The following SLC36A2 variants were observed in gnomAD, a reference collection of about 807,000 sequenced individuals.
SLC36A2 encodes proton-coupled amino acid transporter 2.
In SLC36A2, 39 loss-of-function variants were observed where a neutral mutation model predicts 42.7. That is an observed-to-expected ratio of 0.91 (90% CI 0.71 to 1.19). The LOEUF (loss-of-function observed/expected upper bound fraction) is 1.19, where lower values mean the gene tolerates loss of function less well. SLC36A2 is among the 50% of genes most tolerant of loss of function. SLC36A2 has a pLI of 0.00. For missense variants in SLC36A2, 590 were observed against 613.7 expected, an observed-to-expected ratio of 0.96 and a Z score of 0.41; for synonymous variants, 237 against 240.8, an observed-to-expected ratio of 0.98 and a Z score of 0.15.
At chr5:151,330,614 C>T (rs559226851) in intron 7 of SLC36A2, among the ~76,000 whole-genome samples, 3 of 152,198 alleles carry the variant, frequency 2.0e-5, no homozygotes, top group East Asian at 1.9e-4. Flanking sequence ...AAAGAAAGAG[C>T]GACAGAAATG....
chr5:151,336,152 C>CATT (rs976957456), intron 5 of SLC36A2, among the ~76,000 whole-genome samples: 1 of 152,168 alleles, frequency 6.6e-6, no homozygotes, highest in Non-Finnish European at 1.5e-5. Context: ...TCTTTCTTGT[C>CATT]ATTGAATGCA....
At position 151,333,118 on chromosome 5, in the gene SLC36A2, G is replaced by A. The variant is rs1470562549; in HGVS notation, c.843+106C>T. ...TTCTCCCATGGGCATTTTCTAGCAG[G>A]CCCAAAACAATGGCCAGCGGGACAC... On this transcript the variant is annotated intron_variant, in intron 7 of 9. Transcript: ENST00000335244. The A allele has an allele frequency of 1.6e-5, 16 of 1,026,886 alleles. No homozygotes were observed. The Admixed American group carries it at 2.3e-4, about 15-fold the overall frequency. 63.6% of individuals were successfully genotyped at this position (1,026,886 alleles called of 1,614,324 possible).
At chr5:151,317,344 C>T (rs1424672793) in intron 9 of SLC36A2, among the ~76,000 whole-genome samples, 2 of 151,702 alleles carry the variant, frequency 1.3e-5, no homozygotes, top group Non-Finnish European at 2.9e-5. Flanking sequence ...CTCAGCTACT[C>T]AGGAGGCTGA....
At position 151,339,072 on chromosome 5, in the gene SLC36A2, A is replaced by T. The variant is rs1415668768; in HGVS notation, c.513T>A (p.Asp171Glu). ...TAGAAGCCTCTACCTGTTTTAAATT[A>T]TCAGCCAAAAACACAATGTACACAC... is the stretch of plus-strand genomic sequence containing the variant. ...FCCVYIVFLA[D>E]NLKQVVEAVN... The change falls in exon 5 of 10, where the codon GAT (aspartate) becomes GAA (glutamate). Residue 171 changes from aspartate (D) to glutamate (E), a missense_variant. Physicochemically the swap from Asp to Glu is conservative, Grantham distance 45 (BLOSUM62 2). Coordinates refer to ENST00000335244, the MANE Select transcript of SLC36A2 (RefSeq NM_181776.3). 2.5e-6 allele frequency: 4 copies of T among 1,609,884 alleles called. No individual in the cohort carries two copies. The highest frequency in any genetic ancestry group is 3.4e-6 in the Non-Finnish European group (4 of 1,177,170).
intron 7 of SLC36A2, among the ~76,000 whole-genome samples, chr5:151,327,051 G>A (rs1424742223): frequency 6.6e-6 from 1 of 152,074 alleles, no homozygotes; most frequent in Non-Finnish European, 1.5e-5. Flanking sequence ...TTGGGCTCAA[G>A]CGATCCTCCC....
chr5:151,328,497 C>T (rs1404445426), intron 7 of SLC36A2, among the ~76,000 whole-genome samples: 1 of 152,082 alleles, frequency 6.6e-6, no homozygotes, highest in Non-Finnish European at 1.5e-5. Flanking sequence ...AATAGGGTCC[C>T]CTGTGGGATG....
chr5:151,335,365 C>A lies in SLC36A2; in HGVS notation c.708G>T (p.Leu236=), dbSNP rs779851612. The A allele has an allele frequency of 5.6e-6, 9 of 1,613,906 alleles. No homozygotes were observed. The highest frequency in any genetic ancestry group is 7.6e-6 in the Non-Finnish European group (9 of 1,179,960). ...ACTGTATGATGATGACCAAGCTGAC[C>A]AGCATGCTGATGTTGGCCAGCATGG... ...IFSMLANISM[L]VSLVIIIQYI... The change falls in exon 6 of 10, where the codon CTG becomes CTT. Residue 236 remains leucine (L), a synonymous_variant. Coordinates refer to ENST00000335244, the MANE Select transcript of SLC36A2 (RefSeq NM_181776.3).
chr5:151,333,143 C>A lies in SLC36A2; in HGVS notation c.843+81G>T, dbSNP rs1756043197. The A allele has an allele frequency of 3.1e-6, 4 of 1,308,520 alleles. No individual in the cohort carries two copies. The African/African-American group carries it at 5.8e-5, about 19-fold the overall frequency. The allele number at this position is 1,308,520 out of a possible 1,614,324, so 81.1% of individuals were successfully genotyped here. A position where few individuals can be genotyped will look rare whatever the true frequency, so the allele number is the denominator to read the frequency against. ...GCCCAAAACAATGGCCAGCGGGACA[C>A]AGAAACCCAGAGCTCACAGTTCCTT... On this transcript the variant is annotated intron_variant, in intron 7 of 9. Transcript: ENST00000335244.
chr5:151,316,763 A>AAAAC lies in SLC36A2; in HGVS notation c.*53_*54insGTTT. On this transcript the variant is annotated 3_prime_UTR_variant, in exon 10 of 10. Coordinates refer to ENST00000335244, the MANE Select transcript of SLC36A2 (RefSeq NM_181776.3). ...CTCAAAAAAAAAAAAAAAAAAAAAA[A>AAAAC]GAGATCCATATAATTAAAAGTCGGG... is the stretch of plus-strand genomic sequence containing the variant. The AAAAC allele has an allele frequency of 3.4e-6, 5 of 1,490,256 alleles. No homozygotes were observed. The highest frequency in any genetic ancestry group is 1.7e-5 in the African/African-American group (1 of 60,106). The allele number at this position is 1,490,256 out of a possible 1,614,324, so 92.3% of individuals were successfully genotyped here.
At chr5:151,347,148 C>G in intron 1 of SLC36A2, 149 bp downstream of exon 1, 2 of 920,786 alleles carry the variant, frequency 2.2e-6, no homozygotes, top group Non-Finnish European at 3.5e-6. Context: ...TCTGCCTCAG[C>G]TTGACTCAGC....
intron 7 of SLC36A2, among the ~76,000 whole-genome samples, chr5:151,326,812 C>CTTTTTTTTTTTTTTTTTTTTT (rs5872202): frequency 1.4e-5 from 2 of 142,282 alleles, no homozygotes. Context: ...ATGAATTTAC[C>CTTTTTTTTTTTTTTTTTTTTT]TTTTTTTTTT....
chr5:151,318,625 TAAA>T (rs1314916448), intron 9 of SLC36A2, among the ~76,000 whole-genome samples: 3 of 147,122 alleles, frequency 2.0e-5, no homozygotes, highest in Admixed American at 6.8e-5. Flanking sequence ...TATAAATAAA[TAAA>T]TTATTTTTTA....
In SLC36A2 at chr5:151,343,870, C is replaced by A. The variant is rs1289602645; in HGVS notation, c.256-272G>T. Among the ~76,000 whole-genome samples the A allele has an allele frequency of 2.8e-4, 42 of 152,118 alleles. 1 individual carries two copies. The highest frequency in any genetic ancestry group is 2.7e-3 in the Admixed American group (42 of 15,280). On this transcript the variant is annotated intron_variant, in intron 2 of 9. Coordinates refer to ENST00000335244, the MANE Select transcript of SLC36A2 (RefSeq NM_181776.3). ...CTGACCATGTGTGCCCTTTGTGGCC[C>A]CTGAAACATCCCCAAGGGGACCTGG...
chr5:151,336,571 T>G (rs1451919487), intron 5 of SLC36A2, among the ~76,000 whole-genome samples: 1 of 151,698 alleles, frequency 6.6e-6, no homozygotes, highest in East Asian at 1.9e-4. Context: ...GCATTTTAAG[T>G]AAGAAAACTC....
At chr5:151,325,893 G>T (rs1755839486) in intron 7 of SLC36A2, among the ~76,000 whole-genome samples, 1 of 152,160 alleles carries the variant, frequency 6.6e-6, no homozygotes, top group Admixed American at 6.5e-5. Flanking sequence ...GGGAGTTATT[G>T]TTTAATGGGT....
intron 9 of SLC36A2, among the ~76,000 whole-genome samples, chr5:151,321,305 C>T (rs1469084950): frequency 6.6e-6 from 1 of 150,940 alleles, no homozygotes; most frequent in East Asian, 2.0e-4. Context: ...GCTGGGACTA[C>T]AAACATGGGG....
chr5:151,344,753 C>G (rs1756447112), intron 1 of SLC36A2, among the ~76,000 whole-genome samples: 1 of 152,074 alleles, frequency 6.6e-6, no homozygotes, highest in African/African-American at 2.4e-5. Flanking sequence ...AGAAACAACC[C>G]CATATCATAA....
chr5:151,322,065 G>T lies in SLC36A2; in HGVS notation c.1161C>A (p.Leu387=), dbSNP rs569180098. Residue 387 remains leucine (L), a synonymous_variant, in exon 9 of 10, where the codon CTC becomes CTA. Coordinates refer to ENST00000335244, the MANE Select transcript of SLC36A2 (RefSeq NM_181776.3). ...ACTCACATGTCAGGCAGACCATGAC[G>T]AGGCGAATGGACAGATCCAGAGGCA... ...WALPLDLSIR[L]VMVCLTCLLA... 202 of 1,614,172 alleles carry T rather than the reference G, an allele frequency of 1.3e-4. 1 individual carries two copies. The East Asian group carries it at 3.4e-3, about 27-fold the overall frequency.
rs544728114 is a variant in SLC36A2, at chr5:151,334,616, G to T, written c.744+713C>A. 3.9e-5 allele frequency among the ~76,000 whole-genome samples: 6 copies of T among 152,102 alleles called. No homozygotes were observed. In the South Asian group the frequency reaches 8.3e-4, roughly 21 times the overall value. ...TGAGGCAGGAGAATCGCTTGAACCC[G>T]GGAGGCAGAGGCTGCAGTGAGCTGA... On this transcript the variant is annotated intron_variant, in intron 6 of 9. Coordinates refer to ENST00000335244, the MANE Select transcript of SLC36A2 (RefSeq NM_181776.3).
Sources: allele counts gnomAD v4.1 joint callset (sites outside exome capture counted in the v4.1 genomes callset), GRCh38; gene constraint gnomAD v4.1.1; transcripts MANE v1.5; gene names NCBI Gene and HGNC (gene_info 2026-07-23, HGNC 2026-07-21).